The following PEAK1 variants were observed in gnomAD, a reference collection of about 807,000 sequenced individuals.
PEAK1 encodes pseudopodium enriched atypical kinase 1.
Under a neutral mutation model 124.7 loss-of-function variants are expected in PEAK1, and 54 were observed. The ratio of observed to expected loss-of-function variants is 0.43; its 90% CI spans 0.35 to 0.54. PEAK1 has a LOEUF of 0.54. Ranked by LOEUF, PEAK1 falls within the 20% of genes least tolerant of loss-of-function variation. The probability of loss-of-function intolerance (pLI) is 0.01; values close to 1 mark genes in which losing one functional copy is unlikely to be tolerated. For missense variants in PEAK1, 2,046 were observed against 2,134.5 expected (o/e 0.96, Z 0.82); for synonymous variants, 719 against 760.0 (o/e 0.95, Z 0.89).
chr15:77,348,960 G>T, intron 2 of PEAK1: 2 of 947,308 alleles, frequency 2.1e-6, no homozygotes, highest in Non-Finnish European at 2.5e-6. Context: ...TTAAAATAGA[G>T]ATTTAAAGCC....
chr15:77,234,918 G>A (rs560385070), intron 6 of PEAK1, among the ~76,000 whole-genome samples: 14 of 152,152 alleles, frequency 9.2e-5, no homozygotes, highest in African/African-American at 2.2e-4. Flanking sequence ...ATCAAGGGGC[G>A]GTTTCCTCCA....
Position 77,374,111 on chromosome 15 carries a change from CCATAA to C in PEAK1, c.-665-8891_-665-8887del, listed in dbSNP as rs1190672324. Reference sequence around the variant, plus strand: ...AGCAAAGTTTCTATAAAGTAAGTCTCCATAACATATCACAAACAGTGATCATTAAA... The same window carrying C: ...AGCAAAGTTTCTATAAAGTAAGTCTCCATATCACAAACAGTGATCATTAAA... On this transcript the variant is annotated intron_variant, in intron 1 of 9. Transcript: ENST00000682557. 1.1e-4 allele frequency among the ~76,000 whole-genome samples: 16 copies of C among 152,124 alleles called. 1 individual carries two copies. Among genetic ancestry groups the C allele is most frequent in the Non-Finnish European group, 2.9e-5 (2 of 68,012 alleles).
At chr15:77,214,842 T>G (rs867298952) in intron 6 of PEAK1, among the ~76,000 whole-genome samples, 2 of 152,056 alleles carry the variant, frequency 1.3e-5, no homozygotes, top group African/African-American at 4.8e-5. Flanking sequence ...AACTCTATCA[T>G]GAGAACGGCA....
intron 1 of PEAK1, among the ~76,000 whole-genome samples, chr15:77,379,233 G>T (rs1215755965): frequency 6.6e-6 from 1 of 152,066 alleles, no homozygotes; most frequent in Non-Finnish European, 1.5e-5. Context: ...CAAAAATCTG[G>T]GGATGTCCAC....
At chr15:77,399,322 A>G (rs1003393869) in intron 1 of PEAK1, among the ~76,000 whole-genome samples, 1 of 152,172 alleles carries the variant, frequency 6.6e-6, no homozygotes, top group African/African-American at 2.4e-5. Flanking sequence ...AAACAATTCT[A>G]AAATTTATAT....
intron 6 of PEAK1, among the ~76,000 whole-genome samples, chr15:77,193,674 C>A (rs945645315): frequency 6.6e-6 from 1 of 152,050 alleles, no homozygotes; most frequent in African/African-American, 2.4e-5. Context: ...CACAGTGGTG[C>A]GCGCTTGTAA....
At chr15:77,202,499 C>T (rs1049561007) in intron 6 of PEAK1, among the ~76,000 whole-genome samples, 3 of 152,032 alleles carry the variant, frequency 2.0e-5, no homozygotes, top group East Asian at 3.9e-4. Context: ...TGCGGTGGCT[C>T]ACACCTCCTG....
chr15:77,148,464 T>C (rs1043543253), intron 8 of PEAK1, among the ~76,000 whole-genome samples: 1 of 152,234 alleles, frequency 6.6e-6, no homozygotes, highest in Non-Finnish European at 1.5e-5. Context: ...TTGGGGATCC[T>C]GTAGTCTGTT....
chr15:77,176,991 C>T (rs991668541), intron 7 of PEAK1, among the ~76,000 whole-genome samples: 3 of 152,026 alleles, frequency 2.0e-5, no homozygotes, highest in African/African-American at 7.2e-5. Context: ...GAGTTTCACT[C>T]TTTTTGCCCA....
chr15:77,347,179 G>A lies in PEAK1; in HGVS notation c.-603+17984C>T, dbSNP rs138064467. 394 of 963,484 alleles carry A rather than the reference G, an allele frequency of 4.1e-4. 1 individual carries two copies. In the African/African-American group the frequency reaches 5.3e-3, roughly 13 times the overall value. 59.7% of individuals were successfully genotyped at this position (963,484 alleles called of 1,614,324 possible). A position where few individuals can be genotyped will look rare whatever the true frequency, so the allele number is the denominator to read the frequency against. ...GTGTAGCTGGAGTTTTGTGAACAAC[G>A]TTAACAACGGCAGAAGATAAGATCT... On this transcript the variant is annotated intron_variant, in intron 2 of 9. Transcript: ENST00000682557.
intron 6 of PEAK1, among the ~76,000 whole-genome samples, chr15:77,217,794 G>A (rs912156809): frequency 7.2e-5 from 11 of 152,000 alleles, no homozygotes; most frequent in Admixed American, 2.0e-4. Flanking sequence ...AATAAATAAA[G>A]TTTATATATT....
chr15:77,325,187 G>C (rs529820245), intron 2 of PEAK1, among the ~76,000 whole-genome samples: 9 of 152,302 alleles, frequency 5.9e-5, no homozygotes, highest in African/African-American at 1.9e-4. Context: ...GGGAGGCCAA[G>C]GTGGGAGAAT....
chr15:77,410,386 A>G (rs1259651888), intron 1 of PEAK1, among the ~76,000 whole-genome samples: 1 of 152,140 alleles, frequency 6.6e-6, no homozygotes, highest in Non-Finnish European at 1.5e-5. Context: ...TGGCCTCCCA[A>G]AATGCTGGGA....
At position 77,381,515 on chromosome 15, in the gene PEAK1, T is replaced by C. The variant is rs924038588; in HGVS notation, c.-665-16290A>G. 30 of 943,880 alleles carry C rather than the reference T, an allele frequency of 3.2e-5. No homozygotes were observed. The African/African-American group carries it at 5.2e-4, about 16-fold the overall frequency. The allele number at this position is 943,880 out of a possible 1,614,324, so 58.5% of individuals were successfully genotyped here. On this transcript the variant is annotated intron_variant, in intron 1 of 9. Coordinates refer to ENST00000682557, the MANE Select transcript of PEAK1 (RefSeq NM_001385026.1). ...TGAATCTGACATTACCAACAAACTT[T>C]ATCTTTTCCATTACAGATTCAATTC...
intron 6 of PEAK1, among the ~76,000 whole-genome samples, chr15:77,189,200 C>CA (rs1380445147): frequency 2.0e-5 from 3 of 151,908 alleles, no homozygotes; most frequent in East Asian, 1.9e-4. Context: ...GACTCTATCT[C>CA]AAAAAAACAA....
chr15:77,416,709 G>A (rs999991648), intron 1 of PEAK1, among the ~76,000 whole-genome samples: 17 of 152,196 alleles, frequency 1.1e-4, no homozygotes, highest in African/African-American at 4.1e-4. Context: ...GTATGTGAAT[G>A]TAGTTGTCCA....
intron 9 of PEAK1, among the ~76,000 whole-genome samples, chr15:77,125,064 C>CA (rs910632434): frequency 1.3e-5 from 2 of 152,154 alleles, no homozygotes; most frequent in African/African-American, 4.8e-5. Context: ...GCCTTTGTTT[C>CA]ATTCATATGT....
chr15:77,367,655 C>T (rs775007752), intron 1 of PEAK1, among the ~76,000 whole-genome samples: 6 of 152,122 alleles, frequency 3.9e-5, no homozygotes, highest in Non-Finnish European at 8.8e-5. Flanking sequence ...TAGTGCTTTG[C>T]TTTGCATAAA....
intron 1 of PEAK1, among the ~76,000 whole-genome samples, chr15:77,376,393 G>T (rs560160631): frequency 3.3e-5 from 5 of 151,944 alleles, no homozygotes; most frequent in South Asian, 4.2e-4. Context: ...TTAAGGGGGT[G>T]GGGGGGAAGT....
Sources: gnomAD v4.1 joint callset for allele counts (sites outside exome capture counted in the v4.1 genomes callset) on GRCh38, gnomAD v4.1.1 for gene constraint, MANE v1.5 for transcripts, NCBI Gene and HGNC (gene_info 2026-07-23, HGNC 2026-07-21) for gene names.